PIGN: variants seen among roughly 807,000 people sequenced by gnomAD.
PIGN encodes GPI ethanolamine phosphate transferase 1.
A neutral mutation model predicts 125.4 loss-of-function variants in PIGN; 117 were observed. The ratio of observed to expected loss-of-function variants is 0.93; its 90% confidence interval spans 0.80 to 1.09. The LOEUF is 1.09. Ranked by LOEUF, PIGN falls within the 50% of genes least tolerant of loss-of-function variation. The probability of loss-of-function intolerance (pLI) is 0.00; values close to 1 mark genes in which losing one functional copy is unlikely to be tolerated. For synonymous variants in PIGN, 392 were observed against 377.8 expected (o/e 1.04, Z -0.44); for missense variants, 1,075 against 1,094.9 (o/e 0.98, Z 0.26).
At chr18:62,053,176 A>C (rs942006134) in intron 30 of PIGN, among the ~76,000 whole-genome samples, 7 of 152,200 alleles carry the variant, frequency 4.6e-5, no homozygotes, top group Non-Finnish European at 1.0e-4. Flanking sequence ...AAGCAAGGGA[A>C]GGCAATGGGA....
chr18:62,111,547 T>C (rs1406917514), intron 16 of PIGN, among the ~76,000 whole-genome samples: 1 of 152,188 alleles, frequency 6.6e-6, no homozygotes, highest in Non-Finnish European at 1.5e-5. Context: ...AGTGTAGATA[T>C]AGTGACTTAT....
At chr18:62,157,934 G>A (rs1334901204) in intron 4 of PIGN, 126 bp from the exon 5 acceptor site, 3 of 877,438 alleles carry the variant, frequency 3.4e-6, no homozygotes, top group Non-Finnish European at 5.0e-6. Context: ...AACTTAAGAA[G>A]GAAAGGAATT....
At chr18:62,102,630 AG>A (rs2034488791) in intron 21 of PIGN, among the ~76,000 whole-genome samples, 163 bp downstream of exon 21, 1 of 152,078 alleles carries the variant, frequency 6.6e-6, no homozygotes, top group Admixed American at 6.5e-5. Flanking sequence ...TACCTCTTAA[AG>A]AACACATTTC....
At chr18:62,117,552 CT>C (rs138277046) in intron 14 of PIGN, among the ~76,000 whole-genome samples, 25,567 of 151,786 alleles carry the variant, frequency 0.17, 2,887 homozygotes, top group Middle Eastern at 0.28. Flanking sequence ...CAGCCCCCCC[CT>C]CTAAAAAGAA....
chr18:62,077,300 T>C (rs62095280), intron 28 of PIGN, among the ~76,000 whole-genome samples: 27,473 of 151,908 alleles, frequency 0.18, 3,258 homozygotes, highest in Middle Eastern at 0.29. Flanking sequence ...ATCGATTGAA[T>C]GTGGGAGGTG....
At chr18:62,182,108 T>C (rs2037738782) in intron 1 of PIGN, among the ~76,000 whole-genome samples, 1 of 152,188 alleles carries the variant, frequency 6.6e-6, no homozygotes, top group Non-Finnish European at 1.5e-5. Context: ...CTCTGACCAA[T>C]GTTGAACAGT....
At chr18:62,182,589 T>C (rs145482159) in intron 1 of PIGN, among the ~76,000 whole-genome samples, 1 of 152,362 alleles carries the variant, frequency 6.6e-6, no homozygotes, top group African/African-American at 2.4e-5. Flanking sequence ...TACCATCTCT[T>C]ATGCGAACTA....
chr18:62,107,397 C>A, intron 17 of PIGN: 1 of 259,792 alleles, frequency 3.8e-6, no homozygotes, highest in Non-Finnish European at 7.5e-6. Flanking sequence ...AAGTTTGAGA[C>A]CAGCCTGGCC....
At chr18:62,023,378 A>G (rs986128182) in intron 23 of PIGN, among the ~76,000 whole-genome samples, 3 of 152,170 alleles carry the variant, frequency 2.0e-5, no homozygotes, top group Non-Finnish European at 4.4e-5. Context: ...TTTCAAGGTC[A>G]CCCATGTGGT....
intron 1 of PIGN, among the ~76,000 whole-genome samples, chr18:62,176,802 C>A (rs1362794024): frequency 6.6e-6 from 1 of 152,018 alleles, no homozygotes; most frequent in Non-Finnish European, 1.5e-5. Flanking sequence ...CAACTAAGAT[C>A]TGTAGTTAAT....
intron 16 of PIGN, 169 bp from the exon 17 acceptor site, chr18:62,110,142 A>G (rs2034818486): frequency 6.8e-6 from 4 of 586,718 alleles, no homozygotes; most frequent in Non-Finnish European, 1.2e-5. Context: ...CTATTATTTG[A>G]GGAGCATATT....
chr18:62,046,083 T>G, intron 30 of PIGN, 104 bp from the exon 31 acceptor site: 2 of 1,213,026 alleles, frequency 1.6e-6, no homozygotes, highest in Non-Finnish European at 2.3e-6. Context: ...ATCTCCACTT[T>G]CAGGAGCTGG....
intron 1 of PIGN, among the ~76,000 whole-genome samples, chr18:62,172,697 C>T (rs1366260340): frequency 2.0e-5 from 3 of 152,180 alleles, no homozygotes; most frequent in Admixed American, 6.5e-5. Flanking sequence ...CACTGCACTG[C>T]TTTGCTAAGT....
At position 62,101,090 on chromosome 18, in the gene PIGN, T is replaced by C. The variant is rs1251827296; in HGVS notation, c.2062A>G (p.Ser688Gly). 1 of 1,601,452 alleles carries C rather than the reference T, an allele frequency of 6.2e-7. No homozygotes were observed. Among genetic ancestry groups the C allele is most frequent in the South Asian group, 1.1e-5 (1 of 90,838 alleles). Residue 688 changes from serine to glycine, a missense_variant, in exon 22 of 31, where the codon AGC becomes GGC. Coordinates refer to ENST00000640252, the MANE Select transcript of PIGN (RefSeq NM_176787.5). ...QGLPLMNQII[S>G]WATLASSLVV... Reference sequence around the variant, plus strand: ...GGCCTCTTACCTAATGTTGCCCAGCTAATAATTTGATTCATGAGAGGCAGT... The same window carrying C: ...GGCCTCTTACCTAATGTTGCCCAGCCAATAATTTGATTCATGAGAGGCAGT...
chr18:62,087,855 T>C (rs2033778439), intron 25 of PIGN, among the ~76,000 whole-genome samples: 1 of 152,184 alleles, frequency 6.6e-6, no homozygotes, highest in Non-Finnish European at 1.5e-5. Flanking sequence ...TGCTGAGGGC[T>C]GAGAGGAGTG....
At chr18:62,107,217 T>C in intron 17 of PIGN, 132 bp from the exon 18 acceptor site, 1 of 647,912 alleles carries the variant, frequency 1.5e-6, no homozygotes, top group Non-Finnish European at 2.8e-6. Context: ...AAATAAGCTC[T>C]AACGGATTTG....
chr18:62,140,313 C>CT (rs1380538098), intron 12 of PIGN, 107 bp downstream of exon 12: 13 of 496,554 alleles, frequency 2.6e-5, no homozygotes, highest in Non-Finnish European at 4.3e-5. Context: ...AAGACCCCAT[C>CT]TAAAAAAAAA....
At chr18:62,068,520 C>T (rs986728002) in intron 30 of PIGN, among the ~76,000 whole-genome samples, 6 of 152,206 alleles carry the variant, frequency 3.9e-5, no homozygotes, top group African/African-American at 1.4e-4. Context: ...CTGCAGTCCT[C>T]ACCTGGAAAT....
At chr18:62,152,851 C>CATAT (rs200438285) in intron 7 of PIGN, among the ~76,000 whole-genome samples, 80 of 97,012 alleles carry the variant, frequency 8.2e-4, no homozygotes, top group Admixed American at 3.6e-3. Context: ...CTGTATTTTG[C>CATAT]ATATATATAT....
Sources: allele counts gnomAD v4.1 joint callset (sites outside exome capture counted in the v4.1 genomes callset), GRCh38; gene constraint gnomAD v4.1.1; transcripts MANE v1.5; gene names NCBI Gene and HGNC (gene_info 2026-07-23, HGNC 2026-07-21).